The following TCF7L1 variants were observed in gnomAD, a reference collection of about 807,000 sequenced individuals.
The protein encoded by TCF7L1 is transcription factor 7-like 1.
In TCF7L1, 18 loss-of-function variants were observed where a neutral mutation model predicts 63.7. That is an observed-to-expected ratio of 0.28 (90% CI 0.20 to 0.42). The LOEUF (loss-of-function observed/expected upper bound fraction) is 0.42, where lower values mean the gene tolerates loss of function less well. Among genes scored for constraint, TCF7L1 ranks in the 10% least tolerant of loss-of-function variants. The pLI is 1.00. For missense variants in TCF7L1, 654 were observed against 779.3 expected, an observed-to-expected ratio of 0.84 and a Z score of 1.91; for synonymous variants, 355 against 340.9, an observed-to-expected ratio of 1.04 and a Z score of -0.46.
intron 3 of TCF7L1, among the ~76,000 whole-genome samples, chr2:85,253,928 T>C (rs1201703471): frequency 6.6e-6 from 1 of 152,198 alleles, no homozygotes; most frequent in Non-Finnish European, 1.5e-5. Context: ...CCCACTGTCA[T>C]GTGTGACCTT....
At chr2:85,264,622 G>C (rs973321090) in intron 3 of TCF7L1, among the ~76,000 whole-genome samples, 1 of 152,168 alleles carries the variant, frequency 6.6e-6, no homozygotes. Flanking sequence ...GCCTAGAATT[G>C]GTGTTCTACT....
At chr2:85,147,415 G>A (rs957591624) in intron 3 of TCF7L1, among the ~76,000 whole-genome samples, 2 of 152,094 alleles carry the variant, frequency 1.3e-5, no homozygotes, top group South Asian at 2.1e-4. Flanking sequence ...CCCTCCCCAC[G>A]TGATGCTGTG....
intron 3 of TCF7L1, among the ~76,000 whole-genome samples, chr2:85,262,443 C>T (rs542381377): frequency 1.3e-5 from 2 of 152,200 alleles, no homozygotes; most frequent in East Asian, 3.9e-4. Context: ...GCTTCCTCCC[C>T]TGAGGAATTC....
chr2:85,292,902 G>A (rs1681759280), intron 4 of TCF7L1, among the ~76,000 whole-genome samples: 1 of 152,206 alleles, frequency 6.6e-6, no homozygotes, highest in African/African-American at 2.4e-5. Context: ...CTTTCATAAT[G>A]CTGTGTAACA....
At chr2:85,204,723 A>G (rs1360963421) in intron 3 of TCF7L1, among the ~76,000 whole-genome samples, 1 of 152,168 alleles carries the variant, frequency 6.6e-6, no homozygotes, top group Non-Finnish European at 1.5e-5. Flanking sequence ...ACCATCCAAA[A>G]AAAGGCTTTG....
intron 3 of TCF7L1, among the ~76,000 whole-genome samples, chr2:85,234,207 C>T (rs1317680308): frequency 7.0e-6 from 1 of 143,228 alleles, no homozygotes; most frequent in African/African-American, 2.7e-5. Context: ...ATGATCTCAG[C>T]TCACTGCAAC....
intron 3 of TCF7L1, among the ~76,000 whole-genome samples, chr2:85,146,118 T>TA (rs1483320319): frequency 2.6e-5 from 4 of 152,200 alleles, no homozygotes; most frequent in South Asian, 2.1e-4. Context: ...ACATCAATAT[T>TA]AAAAAATAGC....
intron 3 of TCF7L1, among the ~76,000 whole-genome samples, chr2:85,183,811 G>A (rs1678856993): frequency 2.6e-5 from 4 of 152,174 alleles, no homozygotes; most frequent in Admixed American, 2.6e-4. Flanking sequence ...CTCAGGATAC[G>A]GAATGGCTCC....
At chr2:85,232,153 A>C (rs1680094437) in intron 3 of TCF7L1, among the ~76,000 whole-genome samples, 1 of 152,166 alleles carries the variant, frequency 6.6e-6, no homozygotes, top group Non-Finnish European at 1.5e-5. Flanking sequence ...AGTAGCTGCC[A>C]GCAGAGGCTG....
At chr2:85,137,892 CAAA>C (rs374829785) in intron 3 of TCF7L1, among the ~76,000 whole-genome samples, 16 of 67,714 alleles carry the variant, frequency 2.4e-4, no homozygotes, top group Admixed American at 5.2e-4. Context: ...GACTCTGCCT[CAAA>C]AAAAAAAAAA....
intron 3 of TCF7L1, among the ~76,000 whole-genome samples, chr2:85,274,241 G>T (rs1282084296): frequency 2.6e-5 from 4 of 152,178 alleles, no homozygotes; most frequent in African/African-American, 9.7e-5. Flanking sequence ...GATGGGAGAG[G>T]CAGCTTGCGA....
At chr2:85,144,946 G>A (rs369938585) in intron 3 of TCF7L1, among the ~76,000 whole-genome samples, 3 of 151,740 alleles carry the variant, frequency 2.0e-5, no homozygotes, top group South Asian at 4.2e-4. Flanking sequence ...TTAGCTGGGT[G>A]TGGTAGCACA....
chr2:85,172,907 C>T (rs1222313785), intron 3 of TCF7L1, among the ~76,000 whole-genome samples: 2 of 152,182 alleles, frequency 1.3e-5, no homozygotes, highest in African/African-American at 4.8e-5. Flanking sequence ...CAGAGCACCC[C>T]TGCCATCATT....
intron 3 of TCF7L1, among the ~76,000 whole-genome samples, chr2:85,135,931 AGGGG>A (rs56107490): frequency 7.0e-6 from 1 of 143,684 alleles, no homozygotes; most frequent in African/African-American, 2.6e-5. Flanking sequence ...TGCCAATCAA[AGGGG>A]GGGGGGGATC....
At chr2:85,265,029 T>C (rs1680935972) in intron 3 of TCF7L1, among the ~76,000 whole-genome samples, 1 of 152,108 alleles carries the variant, frequency 6.6e-6, no homozygotes, top group Non-Finnish European at 1.5e-5. Context: ...GGAATGAAGA[T>C]ATGTATTCTA....
chr2:85,137,671 T>C (rs1480098751), intron 3 of TCF7L1, among the ~76,000 whole-genome samples: 2 of 152,142 alleles, frequency 1.3e-5, no homozygotes, highest in Non-Finnish European at 2.9e-5. Context: ...GGCGGGCGGA[T>C]CACCTGAGGT....
At chr2:85,154,245 A>AGGTATTTT (rs1352169501) in intron 3 of TCF7L1, among the ~76,000 whole-genome samples, 1 of 152,308 alleles carries the variant, frequency 6.6e-6, no homozygotes. Flanking sequence ...AGCAACTCCA[A>AGGTATTTT]GGTATTTTGG....
intron 3 of TCF7L1, among the ~76,000 whole-genome samples, chr2:85,258,716 T>A (rs143045120): frequency 6.6e-6 from 1 of 152,284 alleles, no homozygotes; most frequent in African/African-American, 2.4e-5. Flanking sequence ...TGGGCTTGCA[T>A]CTATGTTCTT....
chr2:85,305,096 C>T (rs1367487451), intron 7 of TCF7L1, among the ~76,000 whole-genome samples, 164 bp from the exon 8 acceptor site: 1 of 152,142 alleles, frequency 6.6e-6, no homozygotes, highest in Non-Finnish European at 1.5e-5. Flanking sequence ...TAAGCATCTC[C>T]CAAACCTGGT....
Sources: allele counts gnomAD v4.1 joint callset (sites outside exome capture counted in the v4.1 genomes callset), GRCh38; gene constraint gnomAD v4.1.1; transcripts MANE v1.5; gene names NCBI Gene and HGNC (gene_info 2026-07-23, HGNC 2026-07-21).